The following EPM2A variants were observed in gnomAD, a reference collection of about 807,000 sequenced individuals.
EPM2A encodes the protein laforin.
EPM2A carries 21 observed loss-of-function variants against 26.5 expected under a neutral mutation model. The ratio of observed to expected loss-of-function variants is 0.79; its 90% CI spans 0.56 to 1.14. EPM2A has a LOEUF of 1.14. Among genes scored for constraint, EPM2A ranks in the 50% most tolerant of loss-of-function variants. The pLI is 0.00. For synonymous variants in EPM2A, 217 were observed against 177.6 expected (o/e 1.22, Z -1.76); for missense variants, 458 against 440.8 (o/e 1.04, Z -0.35).
chr6:145,408,241 T>A (rs1778596397), intron 4 of EPM2A, among the ~76,000 whole-genome samples: 1 of 152,170 alleles, frequency 6.6e-6, no homozygotes, highest in Non-Finnish European at 1.5e-5. Flanking sequence ...CTCAGTTAAT[T>A]ATCTGCTCTT....
intron 4 of EPM2A, among the ~76,000 whole-genome samples, chr6:145,405,824 ATATCT>A (rs1039986700): frequency 2.6e-5 from 4 of 152,128 alleles, no homozygotes; most frequent in African/African-American, 9.7e-5. Flanking sequence ...TTGTTGGTAA[ATATCT>A]TATTTTATTA....
intron 4 of EPM2A, among the ~76,000 whole-genome samples, chr6:145,412,462 G>A (rs934057857): frequency 2.6e-5 from 4 of 152,012 alleles, no homozygotes; most frequent in African/African-American, 9.7e-5. Flanking sequence ...TACTCCATGG[G>A]GGACAAATAA....
chr6:145,518,595 CAAAAAAA>C (rs55802475), intron 2 of EPM2A, among the ~76,000 whole-genome samples: 14,752 of 102,784 alleles, frequency 0.14, 807 homozygotes, highest in Middle Eastern at 0.19. Context: ...TGAAATGCAC[CAAAAAAA>C]AAAAAAAAAA....
At chr6:145,413,531 G>A (rs1395723004) in intron 4 of EPM2A, among the ~76,000 whole-genome samples, 1 of 152,068 alleles carries the variant, frequency 6.6e-6, no homozygotes. Context: ...TCCAGCCCGT[G>A]GTTGAATCAT....
At chr6:145,432,148 G>A (rs993467638) in intron 4 of EPM2A, among the ~76,000 whole-genome samples, 5 of 152,060 alleles carry the variant, frequency 3.3e-5, no homozygotes, top group African/African-American at 9.7e-5. Context: ...GTCAAGTCTT[G>A]AACCTCCCAA....
intron 2 of EPM2A, among the ~76,000 whole-genome samples, chr6:145,562,801 T>G (rs1374328237): frequency 6.6e-6 from 1 of 151,966 alleles, no homozygotes; most frequent in African/African-American, 2.4e-5. Flanking sequence ...GTTAAAAGAC[T>G]TTTTTGAAGA....
At chr6:145,601,262 T>C (rs900704609) in intron 2 of EPM2A, among the ~76,000 whole-genome samples, 1 of 152,204 alleles carries the variant, frequency 6.6e-6, no homozygotes. Context: ...ATGGTGACCA[T>C]ACCTCTCAGA....
chr6:145,435,424 T>C lies in EPM2A; in HGVS notation c.556-51327A>G, dbSNP rs1778977136. On this transcript the variant is annotated intron_variant, in intron 4 of 4. Transcript: ENST00000638717. ...AGTGAAGAATTTATATATATATATA[T>C]ATATATATGTTTTATAGAAGTATTT... Among the ~76,000 whole-genome samples, 10 of 149,364 alleles carry C rather than the reference T, an allele frequency of 6.7e-5. 1 individual carries two copies. The highest frequency in any genetic ancestry group is 4.0e-4 in the Admixed American group (6 of 14,984).
At chr6:145,621,502 T>A (rs1183923634), downstream of EPM2A, among the ~76,000 whole-genome samples, 4 of 152,210 alleles carry the variant, frequency 2.6e-5, no homozygotes, top group African/African-American at 9.6e-5. Flanking sequence ...TTAATTTTTT[T>A]AGAAAACTCC....
intron 4 of EPM2A, among the ~76,000 whole-genome samples, chr6:145,458,544 T>C (rs1420609908): frequency 6.6e-6 from 1 of 152,148 alleles, no homozygotes; most frequent in Non-Finnish European, 1.5e-5. Context: ...TAAATCACGA[T>C]GGCAGTTACA....
Position 145,568,873 on chromosome 6 carries a change from C to T in EPM2A, c.341-66298G>A, listed in dbSNP as rs910122297. On this transcript the variant is annotated intron_variant, in intron 2 of 3. Coordinates refer to the EPM2A transcript ENST00000450221. Reference sequence around the variant, plus strand: ...TAGGAGCACGATGAGGACAATAAGACGCCTTGGATGGAATAATTGCTTCCC... The same window carrying T: ...TAGGAGCACGATGAGGACAATAAGATGCCTTGGATGGAATAATTGCTTCCC... Among the ~76,000 whole-genome samples, 5 of 152,240 alleles carry T rather than the reference C, an allele frequency of 3.3e-5. No individual in the cohort carries two copies. The East Asian group carries it at 5.8e-4, about 18-fold the overall frequency.
At chr6:145,484,532 T>C (rs750464625) in intron 4 of EPM2A, among the ~76,000 whole-genome samples, 15 of 152,056 alleles carry the variant, frequency 9.9e-5, no homozygotes, top group Non-Finnish European at 1.8e-4. Context: ...AGGTATAGTG[T>C]TTGGAGTCAA....
intron 2 of EPM2A, among the ~76,000 whole-genome samples, chr6:145,644,592 T>C (rs1350506892): frequency 6.6e-6 from 1 of 152,098 alleles, no homozygotes; most frequent in Admixed American, 6.5e-5. Context: ...TTAGATAAGG[T>C]TCTAGAAAGA....
chr6:145,721,409 C>T (rs1359448081), intron 1 of EPM2A: 1 of 152,124 alleles, frequency 6.6e-6, no homozygotes, highest in Non-Finnish European at 1.5e-5. Context: ...GATAATGAAA[C>T]TCAAATTGGT....
At chr6:145,564,566 A>G (rs1780852968) in intron 2 of EPM2A, among the ~76,000 whole-genome samples, 3 of 152,200 alleles carry the variant, frequency 2.0e-5, no homozygotes, top group African/African-American at 4.8e-5. Context: ...GCTGAAGCTC[A>G]GCAGTTTGTG....
intron 2 of EPM2A, among the ~76,000 whole-genome samples, chr6:145,505,327 T>C (rs1365428888): frequency 1.3e-5 from 2 of 152,138 alleles, no homozygotes; most frequent in African/African-American, 2.4e-5. Flanking sequence ...TGTATATCTA[T>C]CTAGATCTCC....
intron 2 of EPM2A, among the ~76,000 whole-genome samples, chr6:145,647,566 C>T (rs1292179463): frequency 6.6e-6 from 1 of 152,182 alleles, no homozygotes; most frequent in African/African-American, 2.4e-5. Flanking sequence ...ATTTCATCGT[C>T]TGTATTGTGA....
chr6:145,397,761 A>C (rs963297735), intron 4 of EPM2A, among the ~76,000 whole-genome samples: 1 of 152,184 alleles, frequency 6.6e-6, no homozygotes, highest in Non-Finnish European at 1.5e-5. Context: ...GTTAAGTTAC[A>C]AAGAATTTAC....
intron 4 of EPM2A, among the ~76,000 whole-genome samples, chr6:145,403,181 A>C (rs922643621): frequency 6.6e-6 from 1 of 152,160 alleles, no homozygotes. Context: ...ATGATCAAAT[A>C]ATCACATCAT....
Sources: allele counts gnomAD v4.1 joint callset (sites outside exome capture counted in the v4.1 genomes callset), GRCh38; gene constraint gnomAD v4.1.1; transcripts MANE v1.5; gene names NCBI Gene and HGNC (gene_info 2026-07-23, HGNC 2026-07-21).